MAGI2: variants seen among roughly 807,000 people sequenced by gnomAD.
The protein encoded by MAGI2 is membrane-associated guanylate kinase, WW and PDZ domain-containing protein 2.
MAGI2 carries 35 observed loss-of-function variants against 133.3 expected under a neutral mutation model. That is an observed-to-expected ratio of 0.26 (90% CI 0.20 to 0.35). The LOEUF (loss-of-function observed/expected upper bound fraction) is 0.35, where lower values mean the gene tolerates loss of function less well. MAGI2 is among the 10% of genes least tolerant of loss of function. The pLI, the probability that MAGI2 is intolerant of heterozygous loss-of-function variation, is 1.00. For missense variants in MAGI2, 1,636 were observed against 1,863.4 expected, an observed-to-expected ratio of 0.88 and a Z score of 2.25; for synonymous variants, 729 against 710.6, an observed-to-expected ratio of 1.03 and a Z score of -0.41.
intron 1 of MAGI2, among the ~76,000 whole-genome samples, chr7:79,038,649 T>A (rs1279630776): frequency 1.3e-5 from 2 of 152,188 alleles, no homozygotes; most frequent in Non-Finnish European, 2.9e-5. Flanking sequence ...TATAGAGATA[T>A]TTTTCATTTC....
At chr7:79,332,048 A>C (rs1840119376) in intron 1 of MAGI2, among the ~76,000 whole-genome samples, 1 of 152,172 alleles carries the variant, frequency 6.6e-6, no homozygotes, top group Admixed American at 6.5e-5. Flanking sequence ...CAGGGGCTGC[A>C]TTAAACCTTT....
chr7:78,806,379 G>C (rs912448362), intron 2 of MAGI2, among the ~76,000 whole-genome samples: 1 of 152,044 alleles, frequency 6.6e-6, no homozygotes, highest in Non-Finnish European at 1.5e-5. Flanking sequence ...TATATTAAAA[G>C]TGTTCAATTA....
At chr7:79,154,406 T>A (rs181854919) in intron 1 of MAGI2, among the ~76,000 whole-genome samples, 1 of 152,306 alleles carries the variant, frequency 6.6e-6, no homozygotes, top group Non-Finnish European at 1.5e-5. Flanking sequence ...TTACATTTGA[T>A]CTTGTTTTGA....
intron 1 of MAGI2, among the ~76,000 whole-genome samples, chr7:79,406,991 C>A (rs1043820752): frequency 6.6e-6 from 1 of 152,082 alleles, no homozygotes; most frequent in African/African-American, 2.4e-5. Context: ...TGTCCAAGTA[C>A]CCCTCCCCTA....
At chr7:78,429,165 T>G (rs1044777392) in intron 6 of MAGI2, among the ~76,000 whole-genome samples, 5 of 152,144 alleles carry the variant, frequency 3.3e-5, no homozygotes, top group Admixed American at 2.6e-4. Flanking sequence ...AAAAGGTACT[T>G]CAAAAACCAC....
At chr7:78,427,716 C>CT (rs1300688766) in intron 6 of MAGI2, among the ~76,000 whole-genome samples, 1 of 150,304 alleles carries the variant, frequency 6.7e-6, no homozygotes, top group Non-Finnish European at 1.5e-5. Flanking sequence ...TGAAAGGAAG[C>CT]TTACATTTAT....
chr7:78,081,537 C>T (rs943812805), intron 20 of MAGI2, among the ~76,000 whole-genome samples: 2 of 152,050 alleles, frequency 1.3e-5, no homozygotes, highest in Non-Finnish European at 2.9e-5. Context: ...GAGGTGGTGA[C>T]ATATCGGTTG....
At chr7:78,421,883 A>G (rs1013196884) in intron 6 of MAGI2, among the ~76,000 whole-genome samples, 6 of 152,190 alleles carry the variant, frequency 3.9e-5, no homozygotes, top group African/African-American at 1.4e-4. Flanking sequence ...AGGAGTTGTG[A>G]GACAGTCTTA....
chr7:79,139,905 C>G (rs1821956161), intron 1 of MAGI2: 1 of 152,098 alleles, frequency 6.6e-6, no homozygotes. Context: ...TAAATGGAAA[C>G]CATGTGAAGA....
chr7:78,446,391 A>G (rs1788143737), intron 6 of MAGI2, among the ~76,000 whole-genome samples: 1 of 152,148 alleles, frequency 6.6e-6, no homozygotes, highest in African/African-American at 2.4e-5. Context: ...CTGGAAGGAC[A>G]TATAAAAATG....
rs71085511 is a variant in MAGI2 at position 78,109,303 on chromosome 7, C to CAAA, written c.3567+16388_3567+16390dup. Among the ~76,000 whole-genome samples the CAAA allele has an allele frequency of 7.9e-3, 158 of 19,952 alleles. 17 individuals carry two copies. Among genetic ancestry groups the CAAA allele is most frequent in the African/African-American group, 0.014 (70 of 5,000 alleles). 13.1% of individuals were successfully genotyped at this position (19,952 alleles called of 152,430 possible). On this transcript the variant is annotated intron_variant, in intron 20 of 21. Coordinates refer to ENST00000354212, the MANE Select transcript of MAGI2 (RefSeq NM_012301.4). ...TGGGCGACAGAGCAAGACTCCGTCT[C>CAAA]AAAAAAAAAAAAAAAAAAAAAAAAA...
chr7:78,739,925 G>A (rs1190970104), intron 2 of MAGI2, among the ~76,000 whole-genome samples: 4 of 152,100 alleles, frequency 2.6e-5, no homozygotes, highest in East Asian at 1.9e-4. Context: ...TTGGGAGGCC[G>A]AGGCGGGCGG....
At chr7:78,537,748 CTTTGTCAGATGTATAG>C (rs1056860331) in intron 3 of MAGI2, among the ~76,000 whole-genome samples, 5 of 151,894 alleles carry the variant, frequency 3.3e-5, no homozygotes, top group Non-Finnish European at 7.4e-5. Context: ...AGTATTAGTT[CTTTGTCAGATGTATAG>C]TTTGCAAGGA....
At chr7:78,125,283 A>G (rs1011369339) in intron 20 of MAGI2, among the ~76,000 whole-genome samples, 10 of 152,214 alleles carry the variant, frequency 6.6e-5, no homozygotes, top group Admixed American at 6.5e-4. Flanking sequence ...AAATTTCCTA[A>G]AAGTCCCGCA....
At chr7:78,546,283 TG>T (rs1798829082) in intron 3 of MAGI2, among the ~76,000 whole-genome samples, 1 of 152,200 alleles carries the variant, frequency 6.6e-6, no homozygotes, top group African/African-American at 2.4e-5. Context: ...CTAGTACCTC[TG>T]CTACCACCAC....
At chr7:79,168,505 T>A (rs1473855500) in intron 1 of MAGI2, among the ~76,000 whole-genome samples, 1 of 152,104 alleles carries the variant, frequency 6.6e-6, no homozygotes, top group Non-Finnish European at 1.5e-5. Flanking sequence ...GGTCTTTAGC[T>A]ATTTTACTTC....
At chr7:78,277,747 C>G (rs1795189708) in intron 9 of MAGI2, among the ~76,000 whole-genome samples, 1 of 151,938 alleles carries the variant, frequency 6.6e-6, no homozygotes, top group Admixed American at 6.6e-5. Flanking sequence ...TGGGTATACC[C>G]CAGGAATAGT....
rs570866835 is a variant in MAGI2 at position 78,432,782 on chromosome 7, G to C, written c.1045+56979C>G. Among the ~76,000 whole-genome samples the C allele has an allele frequency of 9.9e-5, 15 of 151,818 alleles. No individual in the cohort carries two copies. The East Asian group carries it at 2.9e-3, about 29-fold the overall frequency. ...AGTTTAAAAATTATACAAAGAAATG[G>C]ACTGAAAATGTAGCTCATATTAAAA... On this transcript the variant is annotated intron_variant, in intron 6 of 21. Coordinates refer to ENST00000354212, the MANE Select transcript of MAGI2 (RefSeq NM_012301.4).
chr7:79,184,516 A>G lies in MAGI2; in HGVS notation c.302-177310T>C, dbSNP rs983107624. Among the ~76,000 whole-genome samples, 11 of 151,812 alleles carry G rather than the reference A, an allele frequency of 7.2e-5. No individual in the cohort carries two copies. In the East Asian group the frequency reaches 1.5e-3, roughly 21 times the overall value. ...AAAACAAACTAAAATATTGGATTCA[A>G]TTGTTTTACTATGTTCACTCTATAG... On this transcript the variant is annotated intron_variant, in intron 1 of 21. Coordinates refer to ENST00000354212, the MANE Select transcript of MAGI2 (RefSeq NM_012301.4).
Sources: allele counts gnomAD v4.1 joint callset (sites outside exome capture counted in the v4.1 genomes callset), GRCh38; gene constraint gnomAD v4.1.1; transcripts MANE v1.5; gene names NCBI Gene and HGNC (gene_info 2026-07-23, HGNC 2026-07-21).